The following SUGCT variants were observed in gnomAD, a reference collection of about 807,000 sequenced individuals.
SUGCT encodes the protein succinyl-CoA:glutarate CoA-transferase.
In SUGCT, 41 loss-of-function variants were observed where a neutral mutation model predicts 55.0. That is an observed-to-expected ratio of 0.74 (90% CI 0.58 to 0.97). The LOEUF (loss-of-function observed/expected upper bound fraction) is 0.97. Ranked by LOEUF, SUGCT falls within the 50% of genes least tolerant of loss-of-function variation. The pLI is 0.00. For missense variants in SUGCT, 568 were observed against 547.8 expected (o/e 1.04, Z -0.37); for synonymous variants, 187 against 200.4 (o/e 0.93, Z 0.56).
chr7:40,607,105 G>C (rs949049769), intron 12 of SUGCT, among the ~76,000 whole-genome samples: 6 of 146,206 alleles, frequency 4.1e-5, no homozygotes, highest in Non-Finnish European at 3.0e-5. Context: ...GCTTTTTCTG[G>C]ATTTTTTTTT....
At chr7:40,148,901 T>A (rs532453143) in intron 1 of SUGCT, among the ~76,000 whole-genome samples, 1 of 152,216 alleles carries the variant, frequency 6.6e-6, no homozygotes, top group African/African-American at 2.4e-5. Context: ...AGAGACAGGC[T>A]TTATCTTCTG....
intron 11 of SUGCT, among the ~76,000 whole-genome samples, chr7:40,462,587 C>G (rs190073313): frequency 6.6e-6 from 1 of 152,048 alleles, no homozygotes; most frequent in African/African-American, 2.4e-5. Flanking sequence ...AGGAAGACCC[C>G]GTTTCTCACC....
chr7:40,975,768 G>A, the SUGCT span, among the ~76,000 whole-genome samples: 3 of 152,310 alleles, frequency 2.0e-5, no homozygotes, highest in South Asian at 6.2e-4. Context: ...AGGGAGAGAG[G>A]AAGGCAAGGA....
intron 11 of SUGCT, among the ~76,000 whole-genome samples, chr7:40,471,196 T>G (rs558334858): frequency 1.3e-5 from 2 of 152,190 alleles, no homozygotes; most frequent in South Asian, 4.1e-4. Context: ...AGAGAAATTG[T>G]GAAAAACATA....
chr7:40,194,548 GAAC>G (rs1340291737), intron 5 of SUGCT, among the ~76,000 whole-genome samples: 1 of 152,222 alleles, frequency 6.6e-6, no homozygotes, highest in Non-Finnish European at 1.5e-5. Flanking sequence ...TTAGAGGAGT[GAAC>G]AACCACACCT....
intron 12 of SUGCT, among the ~76,000 whole-genome samples, chr7:40,740,268 T>C (rs1451527669): frequency 6.6e-6 from 1 of 152,102 alleles, no homozygotes; most frequent in African/African-American, 2.4e-5. Flanking sequence ...TCCTAAGACC[T>C]TGAAGAAGTC....
At chr7:40,919,014 CTCTGGCTTATT>C in the SUGCT span, among the ~76,000 whole-genome samples, 3 of 152,190 alleles carry the variant, frequency 2.0e-5, no homozygotes, top group Admixed American at 6.5e-5. Context: ...ACCTGACACA[CTCTGGCTTATT>C]TCACAGGCAT....
the SUGCT span, among the ~76,000 whole-genome samples, chr7:40,879,187 G>A: frequency 6.6e-6 from 1 of 152,192 alleles, no homozygotes; most frequent in South Asian, 2.1e-4. Flanking sequence ...TTCATGTCCT[G>A]TCATTTTTAA....
chr7:40,225,171 A>G (rs1788265359), intron 6 of SUGCT, among the ~76,000 whole-genome samples: 1 of 152,258 alleles, frequency 6.6e-6, no homozygotes, highest in Non-Finnish European at 1.5e-5. Context: ...TGTAATAAAG[A>G]CAGATACCAG....
intron 11 of SUGCT, among the ~76,000 whole-genome samples, chr7:40,494,888 G>A (rs999645364): frequency 1.8e-4 from 28 of 151,408 alleles, no homozygotes; most frequent in Admixed American, 1.8e-3. Flanking sequence ...GTGTACTTCA[G>A]TATTGAAATT....
At chr7:40,834,833 C>T (rs1042713084) in intron 13 of SUGCT, among the ~76,000 whole-genome samples, 2 of 152,064 alleles carry the variant, frequency 1.3e-5, no homozygotes, top group Admixed American at 1.3e-4. Context: ...ACATCAGTAA[C>T]AAGAAAGATT....
chr7:40,142,564 T>C (rs868845571), intron 1 of SUGCT, among the ~76,000 whole-genome samples: 18 of 152,232 alleles, frequency 1.2e-4, no homozygotes, highest in African/African-American at 4.1e-4. Flanking sequence ...ACACCCATTA[T>C]GGCTGCGAGG....
intron 1 of SUGCT, among the ~76,000 whole-genome samples, chr7:40,147,891 C>G (rs1469099620): frequency 6.6e-6 from 1 of 152,202 alleles, no homozygotes; most frequent in Non-Finnish European, 1.5e-5. Context: ...TAATTCTCAG[C>G]AAGGCAATGT....
intron 12 of SUGCT, among the ~76,000 whole-genome samples, chr7:40,746,644 G>C: frequency 6.6e-6 from 1 of 151,884 alleles, no homozygotes; most frequent in Non-Finnish European, 1.5e-5. Context: ...TCGGCATAGG[G>C]GTGGAGAAAG....
intron 13 of SUGCT, among the ~76,000 whole-genome samples, chr7:40,811,499 G>A (rs1027321186): frequency 1.3e-5 from 2 of 151,980 alleles, no homozygotes; most frequent in Non-Finnish European, 1.5e-5. Context: ...GTTAGATGTA[G>A]TCTTGGGTAT....
chr7:40,473,150 T>A (rs539262591), intron 11 of SUGCT, among the ~76,000 whole-genome samples: 23 of 152,298 alleles, frequency 1.5e-4, no homozygotes, highest in Admixed American at 5.9e-4. Flanking sequence ...CACCAATGAC[T>A]TCTGCCATAA....
intron 5 of SUGCT, among the ~76,000 whole-genome samples, chr7:40,191,220 T>C (rs1450709617): frequency 1.3e-5 from 2 of 152,158 alleles, no homozygotes; most frequent in Non-Finnish European, 2.9e-5. Flanking sequence ...TTTCACCATA[T>C]TGGTCAGTCT....
At chr7:40,204,054 T>A (rs920340408) in intron 6 of SUGCT, among the ~76,000 whole-genome samples, 3 of 151,878 alleles carry the variant, frequency 2.0e-5, no homozygotes, top group Non-Finnish European at 4.4e-5. Context: ...AGTGGCATGA[T>A]CATAGCTCAC....
At chr7:40,848,551 G>C (rs1236754488) in intron 13 of SUGCT, among the ~76,000 whole-genome samples, 1 of 151,720 alleles carries the variant, frequency 6.6e-6, no homozygotes, top group Non-Finnish European at 1.5e-5. Context: ...ACTATCAAAG[G>C]GTCATTGATG....
Sources: allele counts gnomAD v4.1 joint callset (sites outside exome capture counted in the v4.1 genomes callset), GRCh38; gene constraint gnomAD v4.1.1; transcripts MANE v1.5; gene names NCBI Gene and HGNC (gene_info 2026-07-23, HGNC 2026-07-21).